The following MTHFD2 variants were observed in gnomAD, a reference collection of about 807,000 sequenced individuals.
MTHFD2 encodes the protein methylenetetrahydrofolate dehydrogenase (NADP+ dependent) 2, methenyltetrahydrofolate cyclohydrolase, also known as bifunctional methylenetetrahydrofolate dehydrogenase/cyclohydrolase, mitochondrial.
Under a neutral mutation model 36.8 loss-of-function variants are expected in MTHFD2, and 26 were observed. The ratio of observed to expected loss-of-function variants is 0.71; its 90% CI spans 0.52 to 0.98. The LOEUF is 0.98. MTHFD2 is among the 50% of genes least tolerant of loss of function. MTHFD2 has a pLI of 0.00. For missense variants in MTHFD2, 373 were observed against 434.0 expected, an observed-to-expected ratio of 0.86 and a Z score of 1.25; for synonymous variants, 164 against 155.2, an observed-to-expected ratio of 1.06 and a Z score of -0.42.
chr2:74,198,865 T>A, intron 1 of MTHFD2, 123 bp downstream of exon 1: 2 of 960,664 alleles, frequency 2.1e-6, no homozygotes, highest in Non-Finnish European at 3.0e-6. Context: ...CCGGCGGTGG[T>A]GGCCGCTGAG....
At chr2:74,210,867 A>T (rs891229025) in intron 5 of MTHFD2, among the ~76,000 whole-genome samples, 1 of 145,950 alleles carries the variant, frequency 6.9e-6, no homozygotes, top group African/African-American at 2.6e-5. Flanking sequence ...GCTCACTGCA[A>T]CCTCCACCTT....
chr2:74,200,498 G>A (rs1572982188), intron 1 of MTHFD2, among the ~76,000 whole-genome samples: 1 of 150,010 alleles, frequency 6.7e-6, no homozygotes, highest in Admixed American at 6.6e-5. Flanking sequence ...TTTAAATACT[G>A]CTTATTTTTA....
At position 74,198,740 on chromosome 2, in the gene MTHFD2, T is replaced by A; in HGVS notation, c.99T>A (p.Val33=). ...LRLRPFHLAA[V]RNEAVVISGR... The stretch of plus-strand genomic sequence containing the variant: ...TTCGCCCTTTCCACCTCGCGGCAGT[T>A]CGGTAAGAGGGTCACAGAGCTCGGT... Residue 33 remains valine, a splice_region_variant and synonymous_variant, in exon 1 of 8, where the codon GTT becomes GTA. Coordinates refer to ENST00000394053, the MANE Select transcript of MTHFD2 (RefSeq NM_006636.4). 6.2e-7 allele frequency: 1 copy of A among 1,607,614 alleles called. No individual in the cohort carries two copies. The highest frequency in any genetic ancestry group is 8.5e-7 in the Non-Finnish European group (1 of 1,177,670).
chr2:74,203,904 TAGTTAGTTTA>T (rs1409151732), intron 1 of MTHFD2, among the ~76,000 whole-genome samples: 1 of 20,236 alleles, frequency 4.9e-5, no homozygotes, highest in Non-Finnish European at 9.1e-5. Context: ...TAGTTTAGTT[TAGTTAGTTTA>T]GTTTAGTTTA....
At chr2:74,208,327 G>A (rs1001409300) in intron 3 of MTHFD2, among the ~76,000 whole-genome samples, 8 of 152,202 alleles carry the variant, frequency 5.3e-5, no homozygotes, top group Admixed American at 2.6e-4. Context: ...TACCAATTAC[G>A]CCTTGATTTA....
chr2:74,208,909 T>C (rs991010773), intron 4 of MTHFD2, among the ~76,000 whole-genome samples, 188 bp downstream of exon 4: 23 of 152,178 alleles, frequency 1.5e-4, no homozygotes, highest in African/African-American at 5.3e-4. Flanking sequence ...GGTCTTGCTC[T>C]GTCACCCAGG....
chr2:74,207,796 G>A lies in MTHFD2; in HGVS notation c.379G>A (p.Asp127Asn). The A allele has an allele frequency of 6.3e-7, 1 of 1,591,080 alleles. No homozygotes were observed. Among genetic ancestry groups the A allele is most frequent in the Non-Finnish European group, 8.6e-7 (1 of 1,162,740 alleles). Residue 127 changes from aspartate to asparagine, a missense_variant, in exon 3 of 8, where the codon GAT becomes AAT. By Grantham distance (23) the Asp-to-Asn change is conservative. Coordinates refer to ENST00000394053, the MANE Select transcript of MTHFD2 (RefSeq NM_006636.4). ...INKLNNDDNV[D>N]GLLVQLPLPE... is the part of the protein sequence containing the mutation. The stretch of plus-strand genomic sequence containing the variant: ...TAAACTGAATAATGATGATAATGTA[G>A]ATGGCCTCCTTGTTCAGTTGCCTCT...
At chr2:74,206,480 G>C (rs532971050) in intron 2 of MTHFD2, 1 of 152,472 alleles carries the variant, frequency 6.6e-6, no homozygotes, top group East Asian at 1.9e-4. Context: ...CTGTGGACAA[G>C]AGGTGGGTGG....
At chr2:74,202,707 T>C (rs1018239059) in intron 1 of MTHFD2, among the ~76,000 whole-genome samples, 1 of 151,572 alleles carries the variant, frequency 6.6e-6, no homozygotes, top group Non-Finnish European at 1.5e-5. Context: ...TTTGTATTTT[T>C]AGTAGAGACG....
At chr2:74,204,757 A>C (rs1418517619) in intron 1 of MTHFD2, among the ~76,000 whole-genome samples, 1 of 152,178 alleles carries the variant, frequency 6.6e-6, no homozygotes, top group Non-Finnish European at 1.5e-5. Flanking sequence ...TTACCAGGAA[A>C]GTCTTCCCCA....
At chr2:74,210,125 T>C in intron 5 of MTHFD2, 76 bp downstream of exon 5, 1 of 1,193,900 alleles carries the variant, frequency 8.4e-7, no homozygotes, top group South Asian at 1.4e-5. Flanking sequence ...CTGTGCATGT[T>C]TGGAAGTATT....
intron 1 of MTHFD2, among the ~76,000 whole-genome samples, chr2:74,200,433 C>T (rs769981739): frequency 7.9e-5 from 12 of 152,184 alleles, no homozygotes; most frequent in Non-Finnish European, 1.3e-4. Context: ...TTGCTATTTA[C>T]AATTCCCACA....
intron 7 of MTHFD2, among the ~76,000 whole-genome samples, chr2:74,212,415 G>T (rs1694330056): frequency 6.6e-6 from 1 of 151,578 alleles, no homozygotes; most frequent in Admixed American, 6.6e-5. Flanking sequence ...TACAGGCATG[G>T]GCCACCACGC....
chr2:74,199,525 AC>A (rs1408164885), intron 1 of MTHFD2, among the ~76,000 whole-genome samples: 1 of 152,212 alleles, frequency 6.6e-6, no homozygotes, highest in Non-Finnish European at 1.5e-5. Flanking sequence ...TGATGGTTGC[AC>A]AACATATGAA....
rs1341445724 is a variant in MTHFD2 at position 74,215,381 on chromosome 2, CACTT to C, written c.*1144_*1147del. The C allele has an allele frequency of 2.0e-5, 3 of 151,484 alleles. No homozygotes were observed. The highest frequency in any genetic ancestry group is 1.9e-4 in the East Asian group (1 of 5,184). 9.4% of individuals were successfully genotyped at this position (151,484 alleles called of 1,614,324 possible). Reference sequence around the variant, plus strand: ...ATGTAGCTATTCCTATATTCAGTAACACTTACTTCTATAGCCTTAAATAGATAAT... The same window carrying C: ...ATGTAGCTATTCCTATATTCAGTAACACTTCTATAGCCTTAAATAGATAAT... On this transcript the variant is annotated 3_prime_UTR_variant, in exon 8 of 8. Transcript: ENST00000394053.
Position 74,215,287 on chromosome 2 carries a change from G to C in MTHFD2, c.*1045G>C, listed in dbSNP as rs532629743. ...AAAACACATCTGTCTGGTATGGTAT[G>C]AATTTCTGAAATTCTGTCTTCCTAT... On this transcript the variant is annotated 3_prime_UTR_variant, in exon 8 of 8. Coordinates refer to ENST00000394053, the MANE Select transcript of MTHFD2 (RefSeq NM_006636.4). The C allele has an allele frequency of 2.0e-5, 3 of 152,480 alleles. No homozygotes were observed. The East Asian group carries it at 5.8e-4, about 29-fold the overall frequency. The allele number at this position is 152,480 out of a possible 1,614,324, so 9.4% of individuals were successfully genotyped here.
intron 7 of MTHFD2, among the ~76,000 whole-genome samples, chr2:74,213,696 A>C (rs761684256): frequency 5.9e-5 from 9 of 151,956 alleles, no homozygotes; most frequent in Non-Finnish European, 1.2e-4. Flanking sequence ...TTTTTTTTTA[A>C]CTTCTCACTT....
intron 6 of MTHFD2, 82 bp from the exon 7 acceptor site, chr2:74,211,659 C>T: frequency 7.5e-7 from 1 of 1,338,440 alleles, no homozygotes; most frequent in South Asian, 1.6e-5. Context: ...TCTTCAGGGT[C>T]TCTTGAAATT....
chr2:74,208,647 G>C lies in MTHFD2; in HGVS notation c.488G>C (p.Gly163Ala). ...DVDGFHVINV[G>A]RMCLDQYSML... is the part of the protein sequence containing the mutation. Reference sequence around the variant, plus strand: ...GATGGCTTTCATGTAATTAATGTAGGACGAATGTGTTTGGATCAGTATTCC... The same window carrying C: ...GATGGCTTTCATGTAATTAATGTAGCACGAATGTGTTTGGATCAGTATTCC... Residue 163 changes from glycine (G) to alanine (A), a missense_variant, in exon 4 of 8, where the codon GGA becomes GCA. Physicochemically the swap from Gly to Ala is moderately conservative, Grantham distance 60. Transcript: ENST00000394053. The C allele has an allele frequency of 6.2e-7, 1 of 1,614,180 alleles. No individual in the cohort carries two copies. Among genetic ancestry groups the C allele is most frequent in the Non-Finnish European group, 8.5e-7 (1 of 1,180,018 alleles).
Sources: gnomAD v4.1 joint callset for allele counts (sites outside exome capture counted in the v4.1 genomes callset) on GRCh38, gnomAD v4.1.1 for gene constraint, MANE v1.5 for transcripts, NCBI Gene and HGNC (gene_info 2026-07-23, HGNC 2026-07-21) for gene names.